Variants in PDZD2 observed in about 807,000 individuals in gnomAD.
The protein encoded by PDZD2 is PDZ domain containing 2, also known as PDZ domain-containing protein 2.
PDZD2 carries 90 observed loss-of-function variants against 220.7 expected under a neutral mutation model. The ratio of observed to expected loss-of-function variants is 0.41; its 90% confidence interval spans 0.34 to 0.49. PDZD2 has a LOEUF of 0.49. Ranked by LOEUF, PDZD2 falls within the 20% of genes least tolerant of loss-of-function variation. The probability of loss-of-function intolerance (pLI) is 0.28; values close to 1 mark genes in which losing one functional copy is unlikely to be tolerated. For missense variants in PDZD2, 3,174 were observed against 3,608.5 expected, an observed-to-expected ratio of 0.88 and a Z score of 3.08; for synonymous variants, 1,375 against 1,450.5, an observed-to-expected ratio of 0.95 and a Z score of 1.18.
intron 2 of PDZD2, among the ~76,000 whole-genome samples, chr5:31,872,740 A>G (rs1051700662): frequency 6.6e-6 from 1 of 152,072 alleles, no homozygotes; most frequent in African/African-American, 2.4e-5. Flanking sequence ...CTGAGAGGAT[A>G]TATATGCACA....
Position 31,788,783 on chromosome 5 carries a change from T to G in PDZD2, c.-360-10106T>G, listed in dbSNP as rs186786364. On this transcript the variant is annotated intron_variant, in intron 1 of 24. Coordinates refer to ENST00000438447, the MANE Select transcript of PDZD2 (RefSeq NM_178140.4). ...TGTTTCTCAATCAGTTGTATGTTTG[T>G]GTGAGACACCTGGGACTGCACAACT... 1.7e-3 allele frequency among the ~76,000 whole-genome samples: 258 copies of G among 152,370 alleles called. 2 individuals are homozygous for G. The highest frequency in any genetic ancestry group is 7.3e-4 in the Non-Finnish European group (50 of 68,038).
intron 2 of PDZD2, among the ~76,000 whole-genome samples, chr5:31,887,662 G>T (rs1318465583): frequency 6.6e-6 from 1 of 152,100 alleles, no homozygotes; most frequent in Non-Finnish European, 1.5e-5. Context: ...TGATTTTTCT[G>T]TAGGAATCTG....
At chr5:31,767,745 A>G (rs1293564298) in intron 1 of PDZD2, among the ~76,000 whole-genome samples, 1 of 152,182 alleles carries the variant, frequency 6.6e-6, no homozygotes, top group African/African-American at 2.4e-5. Flanking sequence ...CAGGCCCCTC[A>G]GTTTCCATGC....
intron 1 of PDZD2, among the ~76,000 whole-genome samples, chr5:31,643,792 T>G (rs1001244999): frequency 2.0e-5 from 3 of 152,042 alleles, no homozygotes; most frequent in African/African-American, 7.2e-5. Flanking sequence ...AGTAGATATG[T>G]GCCAAATTAA....
chr5:31,876,811 G>A (rs574049708), intron 2 of PDZD2, among the ~76,000 whole-genome samples: 73 of 152,152 alleles, frequency 4.8e-4, no homozygotes, highest in Non-Finnish European at 9.0e-4. Context: ...TGTGCCAAGC[G>A]ACATAAAGAT....
At chr5:32,070,968 G>A (rs80229464) in intron 15 of PDZD2, among the ~76,000 whole-genome samples, 5,944 of 152,190 alleles carry the variant, frequency 0.039, 374 homozygotes, top group African/African-American at 0.14. Context: ...GTCCAACTCC[G>A]TCTGAAAATA....
At chr5:31,833,734 T>C (rs1224829185) in intron 2 of PDZD2, among the ~76,000 whole-genome samples, 2 of 152,224 alleles carry the variant, frequency 1.3e-5, no homozygotes, top group African/African-American at 4.8e-5. Context: ...TAGAGACCTC[T>C]GTAAAACCTT....
chr5:31,832,835 A>T (rs766069502), intron 2 of PDZD2, among the ~76,000 whole-genome samples: 1 of 152,118 alleles, frequency 6.6e-6, no homozygotes, highest in African/African-American at 2.4e-5. Flanking sequence ...TAAAATGGTC[A>T]ATTTTATTTT....
Position 32,090,244 on chromosome 5 carries a change from G to A in PDZD2, c.6796G>A (p.Gly2266Ser). 6.2e-7 allele frequency: 1 copy of A among 1,614,214 alleles called. No individual in the cohort carries two copies. Among genetic ancestry groups the A allele is most frequent in the Admixed American group, 1.7e-5 (1 of 60,032 alleles). The change falls in exon 20 of 25, where the codon GGT (glycine) becomes AGT (serine). Residue 2266 changes from glycine (G) to serine (S), a missense_variant. Coordinates refer to ENST00000438447, the MANE Select transcript of PDZD2 (RefSeq NM_178140.4). The surrounding 1 kb of genome is among the most constrained non-coding windows in gnomAD (Gnocchi z 4.3). ...TGTCCCCGAGGCAAAGGCATCCAGA[G>A]GTGGTCTTCCCAGCCTGGCTAATGG... ...SVVPEAKASRGGLPSLANGQG... is the reference protein window; with the variant it reads ...SVVPEAKASRSGLPSLANGQG...
intron 2 of PDZD2, among the ~76,000 whole-genome samples, chr5:31,832,284 TA>T (rs376206110): frequency 8.6e-5 from 11 of 127,826 alleles, no homozygotes; most frequent in African/African-American, 3.3e-4. Context: ...AATGGAGAGT[TA>T]TTAGTGGATG....
At position 31,921,529 on chromosome 5, in the gene PDZD2, C is replaced by CA. The variant is rs376475789; in HGVS notation, c.477-61615dup. On this transcript the variant is annotated intron_variant, in intron 2 of 24. Coordinates refer to ENST00000438447, the MANE Select transcript of PDZD2 (RefSeq NM_178140.4). ...TGAAACCCTGTCTCTTCCAAAAATA[C>CA]AAAAAAAAAAATTAGCTGGGTGTGC... Among the ~76,000 whole-genome samples the CA allele has an allele frequency of 2.2e-3, 317 of 146,090 alleles. 2 individuals are homozygous for CA. The highest frequency in any genetic ancestry group is 5.1e-3 in the African/African-American group (205 of 39,964).
At chr5:31,872,142 G>GGTTGTGTGTGT (rs1554086797) in intron 2 of PDZD2, among the ~76,000 whole-genome samples, 3 of 147,676 alleles carry the variant, frequency 2.0e-5, no homozygotes, top group Non-Finnish European at 4.5e-5. Context: ...TAAGGTGAGT[G>GGTTGTGTGTGT]GTGTGTGTGT....
intron 2 of PDZD2, among the ~76,000 whole-genome samples, chr5:31,964,045 ATTTTTCCAGAGATACTT>A (rs1209641371): frequency 1.3e-5 from 2 of 152,028 alleles, no homozygotes; most frequent in Non-Finnish European, 2.9e-5. Context: ...TGTGAACTTG[ATTTTTCCAGAGATACTT>A]TTTTTCCAGA....
At chr5:32,021,221 T>C (rs1383960673) in intron 6 of PDZD2, among the ~76,000 whole-genome samples, 1 of 152,004 alleles carries the variant, frequency 6.6e-6, no homozygotes, top group East Asian at 1.9e-4. Flanking sequence ...GACAAACTCC[T>C]CACCCCACCC....
At chr5:31,800,367 T>C (rs1377534976) in intron 2 of PDZD2, among the ~76,000 whole-genome samples, 1 of 152,162 alleles carries the variant, frequency 6.6e-6, no homozygotes, top group African/African-American at 2.4e-5. Context: ...GCAATGATGT[T>C]TGACGCCAAC....
rs751783480 is a variant in PDZD2 at position 32,077,504 on chromosome 5, A to G, written c.3580A>G (p.Thr1194Ala). The change falls in exon 19 of 25, where the codon ACC becomes GCC. Residue 1194 changes from threonine (T) to alanine (A), a missense_variant. By Grantham distance (58) the Thr-to-Ala change is moderately conservative. Around this residue, in one of 4 missense-constraint regions of PDZD2, gnomAD observed 1,861 missense variants for 2,001.0 expected, o/e 0.93. Coordinates refer to ENST00000438447, the MANE Select transcript of PDZD2 (RefSeq NM_178140.4). Reference protein sequence around the residue: ...KLTTGDACVSTSCELASALSH... With the variant: ...KLTTGDACVSASCELASALSH... ...GACCACTGGAGATGCTTGTGTCTCT[A>G]CCAGCTGTGAACTAGCCAGTGCTCT... 24 of 1,613,894 alleles carry G rather than the reference A, an allele frequency of 1.5e-5. No individual in the cohort carries two copies. Among genetic ancestry groups the G allele is most frequent in the African/African-American group, 6.7e-5 (5 of 74,904 alleles).
At chr5:31,822,812 A>G (rs1480521617) in intron 2 of PDZD2, 2 of 873,784 alleles carry the variant, frequency 2.3e-6, no homozygotes, top group South Asian at 1.3e-5. Context: ...ACAGAAGACC[A>G]ATTCTCCTGG....
intron 1 of PDZD2, among the ~76,000 whole-genome samples, chr5:31,668,246 A>G (rs1452157629): frequency 6.6e-6 from 1 of 152,168 alleles, no homozygotes; most frequent in East Asian, 1.9e-4. Context: ...CTTTTCGGTG[A>G]AAAGGAAGGA....
At chr5:31,835,841 A>T (rs962258094) in intron 2 of PDZD2, among the ~76,000 whole-genome samples, 2 of 152,184 alleles carry the variant, frequency 1.3e-5, no homozygotes, top group Non-Finnish European at 2.9e-5. Flanking sequence ...GTGAAAACTC[A>T]ACAAATGTTT....
Sources: gnomAD v4.1 joint callset for allele counts (sites outside exome capture counted in the v4.1 genomes callset) on GRCh38, gnomAD v4.1.1 for gene constraint, gnomAD v4.1.1 regional missense constraint, Gnocchi (gnomAD v3.1) non-coding constraint, MANE v1.5 for transcripts, NCBI Gene and HGNC (gene_info 2026-07-23, HGNC 2026-07-21) for gene names.